The following RUFY3 variants were observed in gnomAD, a reference collection of about 807,000 sequenced individuals.
RUFY3 encodes the protein RUN and FYVE domain containing 3.
A neutral mutation model predicts 84.0 loss-of-function variants in RUFY3; 34 were observed. That is an observed-to-expected ratio of 0.40 (90% CI 0.31 to 0.54). The LOEUF is 0.54. RUFY3 is among the 20% of genes least tolerant of loss of function. The pLI, the probability that RUFY3 is intolerant of heterozygous loss-of-function variation, is 0.39. For synonymous variants in RUFY3, 242 were observed against 252.9 expected (o/e 0.96, Z 0.41); for missense variants, 507 against 736.8 (o/e 0.69, Z 3.61).
chr4:70,722,604 C>T lies in RUFY3; in HGVS notation c.31C>T (p.Pro11Ser), dbSNP rs1379899902. 8 of 1,613,438 alleles carry T rather than the reference C, an allele frequency of 5.0e-6. No individual in the cohort carries two copies. The highest frequency in any genetic ancestry group is 2.2e-5 in the East Asian group (1 of 44,876). ...TGCTCTGACGCCTCCGACCGATATGCCAACCCCCACCACTGACAAGATCAC... is the reference window on the plus strand; with the variant it reads ...TGCTCTGACGCCTCCGACCGATATGTCAACCCCCACCACTGACAAGATCAC... The part of the protein sequence containing the change: MSALTPPTDM[P>S]TPTTDKITQA... Residue 11 changes from proline (P) to serine (S), a missense_variant, in exon 1 of 18, where the codon CCA (proline) becomes TCA (serine). Physicochemically the swap from Pro to Ser is moderately conservative, Grantham distance 74. Around this residue, in one of 4 missense-constraint regions of RUFY3, gnomAD observed 133 missense variants for 301.1 expected, o/e 0.44. Coordinates refer to ENST00000381006, the MANE Select transcript of RUFY3 (RefSeq NM_001037442.4).
intron 16 of RUFY3, 38 bp downstream of exon 16, chr4:70,803,021 T>C: frequency 6.4e-7 from 1 of 1,562,518 alleles, no homozygotes; most frequent in Non-Finnish European, 8.8e-7. Context: ...CTTGTATGAA[T>C]TATGAAGTTG....
Position 70,722,454 on chromosome 4 carries a change from A to T in RUFY3, c.-120A>T. Reference sequence around the variant, plus strand: ...AAACCTCCCCCACCCTTTTCCTGAAAGCTTTGTTTCAGAGCTTTGTATTGG... The same window carrying T: ...AAACCTCCCCCACCCTTTTCCTGAATGCTTTGTTTCAGAGCTTTGTATTGG... On this transcript the variant is annotated 5_prime_UTR_variant, in exon 1 of 18. The change creates a new upstream start codon in the 5' untranslated region. Coordinates refer to ENST00000381006, the MANE Select transcript of RUFY3 (RefSeq NM_001037442.4). The T allele has an allele frequency of 7.2e-7, 1 of 1,385,508 alleles. No homozygotes were observed. The highest frequency in any genetic ancestry group is 9.4e-7 in the Non-Finnish European group (1 of 1,065,122). The allele number at this position is 1,385,508 out of a possible 1,614,324, so 85.8% of individuals were successfully genotyped here.
chr4:70,737,873 C>A (rs1000606165), intron 1 of RUFY3, among the ~76,000 whole-genome samples: 4 of 151,760 alleles, frequency 2.6e-5, no homozygotes, highest in Non-Finnish European at 2.9e-5. Context: ...AGGGTTACAC[C>A]ATGTTGCCAG....
chr4:70,800,660 G>A (rs1026086294), intron 15 of RUFY3, among the ~76,000 whole-genome samples: 1 of 151,978 alleles, frequency 6.6e-6, no homozygotes, highest in African/African-American at 2.4e-5. Context: ...GAGGCAGGTG[G>A]ATCACCTGAG....
At chr4:70,725,685 A>G (rs1718123762) in intron 1 of RUFY3, among the ~76,000 whole-genome samples, 1 of 152,218 alleles carries the variant, frequency 6.6e-6, no homozygotes, top group Non-Finnish European at 1.5e-5. Context: ...TTTAATTGCA[A>G]ATAGATTTCC....
intron 1 of RUFY3, chr4:70,705,324 G>T: frequency 7.5e-7 from 1 of 1,324,536 alleles, no homozygotes; most frequent in South Asian, 1.9e-5. Context: ...GGGGACGCCC[G>T]CGGGGAAGGG....
intron 1 of RUFY3, among the ~76,000 whole-genome samples, chr4:70,751,303 C>T (rs904913533): frequency 1.2e-4 from 19 of 152,112 alleles, no homozygotes; most frequent in Admixed American, 1.2e-3. Context: ...TGTTGAATTG[C>T]TGGGTCAAAT....
In RUFY3 at chr4:70,776,527, C is replaced by T. The variant is rs534272774; in HGVS notation, c.824+1294C>T. On this transcript the variant is annotated intron_variant, in intron 7 of 17. Transcript: ENST00000381006. The stretch of plus-strand genomic sequence containing the variant: ...CAGTGGCTCACGCCTATAATCCCAG[C>T]ACTTTGGGAGGCCGAGGCAGGCGGA... Among the ~76,000 whole-genome samples, 6 of 152,304 alleles carry T rather than the reference C, an allele frequency of 3.9e-5. No homozygotes were observed. The East Asian group carries it at 1.2e-3, about 29-fold the overall frequency.
chr4:70,783,484 C>T (rs2148775313), intron 9 of RUFY3, among the ~76,000 whole-genome samples: 1 of 152,312 alleles, frequency 6.6e-6, no homozygotes, highest in Non-Finnish European at 1.5e-5. Context: ...TTATGTTAAA[C>T]ATACTATTAC....
intron 1 of RUFY3, among the ~76,000 whole-genome samples, chr4:70,748,593 A>C (rs1030425990): frequency 6.6e-6 from 1 of 152,204 alleles, no homozygotes; most frequent in Non-Finnish European, 1.5e-5. Flanking sequence ...GGCAAAAGAC[A>C]CAAGACTCCT....
At chr4:70,729,260 T>C (rs1718806633) in intron 1 of RUFY3, among the ~76,000 whole-genome samples, 1 of 152,116 alleles carries the variant, frequency 6.6e-6, no homozygotes, top group Non-Finnish European at 1.5e-5. Flanking sequence ...TGCTTGAGTT[T>C]TTTTGTTTTT....
chr4:70,798,071 G>C (rs1731750465), intron 14 of RUFY3, among the ~76,000 whole-genome samples: 1 of 151,812 alleles, frequency 6.6e-6, no homozygotes, highest in South Asian at 2.1e-4. Flanking sequence ...TTCTTGAGTG[G>C]TGTAAGAACA....
At chr4:70,726,615 G>A (rs1286728410) in intron 1 of RUFY3, among the ~76,000 whole-genome samples, 3 of 152,176 alleles carry the variant, frequency 2.0e-5, no homozygotes, top group Admixed American at 1.3e-4. Context: ...TCAGGTGATC[G>A]CCCGCCTCAG....
intron 1 of RUFY3, among the ~76,000 whole-genome samples, chr4:70,726,593 G>A (rs1254174010): frequency 2.0e-5 from 3 of 152,088 alleles, no homozygotes; most frequent in Admixed American, 6.5e-5. Flanking sequence ...GGCTGGTCTC[G>A]AACTCCCGAC....
intron 14 of RUFY3, 125 bp from the exon 15 acceptor site, chr4:70,800,016 C>A: frequency 1.3e-6 from 1 of 742,776 alleles, no homozygotes; most frequent in Non-Finnish European, 2.2e-6. Flanking sequence ...AAGTTAGATC[C>A]CTTCCCTAAT....
exon 1 of RUFY3, chr4:70,705,065 G>C: frequency 3.1e-6 from 4 of 1,290,792 alleles, no homozygotes; most frequent in Non-Finnish European, 3.9e-6. Flanking sequence ...GAGAGGGCGA[G>C]GCGGGGCCGC....
intron 15 of RUFY3, 36 bp downstream of exon 15, chr4:70,800,241 T>G: frequency 1.3e-6 from 2 of 1,552,626 alleles, no homozygotes; most frequent in Non-Finnish European, 1.8e-6. Context: ...AGATGTAAAG[T>G]TATTCTGGGG....
intron 4 of RUFY3, among the ~76,000 whole-genome samples, 185 bp downstream of exon 4, chr4:70,764,761 G>C (rs577099742): frequency 1.3e-5 from 2 of 152,258 alleles, no homozygotes; most frequent in African/African-American, 2.4e-5. Context: ...TGTGTGTTCT[G>C]TCTGTCACTG....
intron 12 of RUFY3, chr4:70,791,203 T>C: frequency 6.2e-7 from 1 of 1,600,196 alleles, no homozygotes; most frequent in Non-Finnish European, 8.6e-7. Context: ...TTTCACTTCA[T>C]TGTCATTTTT....
Sources: gnomAD v4.1 joint callset for allele counts (sites outside exome capture counted in the v4.1 genomes callset) on GRCh38, gnomAD v4.1.1 for gene constraint, gnomAD v4.1.1 regional missense constraint, MANE v1.5 for transcripts, NCBI Gene and HGNC (gene_info 2026-07-23, HGNC 2026-07-21) for gene names.